PWP1: variants seen among roughly 807,000 people sequenced by gnomAD.
The protein encoded by PWP1 is periodic tryptophan protein 1 homolog.
PWP1 carries 47 observed loss-of-function variants against 69.9 expected under a neutral mutation model. That is an observed-to-expected ratio of 0.67 (90% CI 0.53 to 0.86). The LOEUF is 0.86. Among genes scored for constraint, PWP1 ranks in the 40% least tolerant of loss-of-function variants. The probability of loss-of-function intolerance (pLI) is 0.00; values close to 1 mark genes in which losing one functional copy is unlikely to be tolerated. For missense variants in PWP1, 551 were observed against 608.8 expected (o/e 0.91, Z 1.00); for synonymous variants, 222 against 208.2 (o/e 1.07, Z -0.57).
chr12:107,711,370 A>G (rs1889949468), intron 14 of PWP1, among the ~76,000 whole-genome samples: 1 of 152,132 alleles, frequency 6.6e-6, no homozygotes, highest in African/African-American at 2.4e-5. Context: ...TGCTGAAGAG[A>G]TTTTGTTTAT....
At chr12:107,698,052 C>T (rs1024756434) in intron 7 of PWP1, among the ~76,000 whole-genome samples, 3 of 152,164 alleles carry the variant, frequency 2.0e-5, no homozygotes, top group African/African-American at 7.2e-5. Context: ...TGTATAATTA[C>T]AGTACCTAGA....
intron 6 of PWP1, 127 bp from the exon 7 acceptor site, chr12:107,697,340 T>TATGCATATGCGGCATCTGAATGTTACAA: frequency 1.1e-6 from 1 of 879,932 alleles, no homozygotes; most frequent in Non-Finnish European, 1.6e-6. Flanking sequence ...AGATGCCGCA[T>TATGCATATGCGGCATCTGAATGTTACAA]ATGCATATAA....
At chr12:107,701,854 T>G (rs1174035214) in intron 8 of PWP1, among the ~76,000 whole-genome samples, 1 of 152,126 alleles carries the variant, frequency 6.6e-6, no homozygotes, top group Non-Finnish European at 1.5e-5. Flanking sequence ...ATTTTTGTAT[T>G]TTTAATAGAG....
intron 5 of PWP1, among the ~76,000 whole-genome samples, chr12:107,695,484 C>T (rs899877586): frequency 3.3e-5 from 5 of 152,126 alleles, no homozygotes; most frequent in Non-Finnish European, 7.4e-5. Flanking sequence ...TATATATTTA[C>T]CTCCTTCTTA....
chr12:107,688,420 T>C (rs1434790564), intron 1 of PWP1, 28 bp from the exon 2 acceptor site: 4 of 1,579,632 alleles, frequency 2.5e-6, no homozygotes, highest in East Asian at 4.5e-5. Flanking sequence ...CTTACACATA[T>C]TGTAATGAAA....
intron 1 of PWP1, among the ~76,000 whole-genome samples, chr12:107,688,212 C>CT (rs1889410783): frequency 6.6e-6 from 1 of 151,952 alleles, no homozygotes; most frequent in African/African-American, 2.4e-5. Context: ...AGTTTTAAGA[C>CT]TAAGAGGTGG....
chr12:107,694,316 T>C (rs1889541627), intron 5 of PWP1, among the ~76,000 whole-genome samples: 1 of 152,142 alleles, frequency 6.6e-6, no homozygotes, highest in African/African-American at 2.4e-5. Context: ...ACTTTGAAGA[T>C]TCGAAGAGAT....
chr12:107,694,642 C>G (rs1230961653), intron 5 of PWP1, among the ~76,000 whole-genome samples: 1 of 152,134 alleles, frequency 6.6e-6, no homozygotes, highest in Admixed American at 6.6e-5. Context: ...GTTTACTTTG[C>G]TTTTAAGACC....
chr12:107,687,592 C>T (rs1889394550), intron 1 of PWP1, among the ~76,000 whole-genome samples: 1 of 152,146 alleles, frequency 6.6e-6, no homozygotes, highest in African/African-American at 2.4e-5. Flanking sequence ...GAAAGGAAAA[C>T]TTGGACCAAA....
At chr12:107,692,411 C>G (rs1593142124) in intron 3 of PWP1, among the ~76,000 whole-genome samples, 2 of 152,182 alleles carry the variant, frequency 1.3e-5, no homozygotes, top group Admixed American at 1.3e-4. Context: ...TTTGACCAGG[C>G]AACCCTTATT....
At position 107,685,932 on chromosome 12, in the gene PWP1, C is replaced by G. The variant is rs963565663; in HGVS notation, c.33C>G (p.Ala11=). The G allele has an allele frequency of 6.2e-7, 1 of 1,613,832 alleles. No homozygotes were observed. Among genetic ancestry groups the G allele is most frequent in the African/African-American group, 1.3e-5 (1 of 74,930 alleles). Residue 11 remains alanine (A), a synonymous_variant, in exon 1 of 15, where the codon GCC becomes GCG. Transcript: ENST00000412830. ...GCAGCCGCCAGGTGACGTGCGTGGC[C>G]TGGGTCCGCTGCGGCGTGGCCAAAG... The part of the protein sequence containing the change: MNRSRQVTCV[A]WVRCGVAKET...
At chr12:107,697,257 G>A (rs938862548) in intron 6 of PWP1, among the ~76,000 whole-genome samples, 2 of 152,138 alleles carry the variant, frequency 1.3e-5, no homozygotes, top group Non-Finnish European at 1.5e-5. Context: ...AGCACAGCAT[G>A]GTTATCACCT....
At chr12:107,707,580 G>A (rs1056205628) in intron 11 of PWP1, among the ~76,000 whole-genome samples, 2 of 152,044 alleles carry the variant, frequency 1.3e-5, no homozygotes, top group East Asian at 1.9e-4. Context: ...CATCAATACC[G>A]AATTTATTGA....
At chr12:107,704,846 A>C in intron 11 of PWP1, 99 bp downstream of exon 11, 1 of 1,021,738 alleles carries the variant, frequency 9.8e-7, no homozygotes, top group South Asian at 1.5e-5. Flanking sequence ...TTCTGTTTTA[A>C]CAGTATGAAG....
At position 107,710,527 on chromosome 12, in the gene PWP1, C is replaced by G; in HGVS notation, c.1396+17C>G. 1 of 1,519,388 alleles carries G rather than the reference C, an allele frequency of 6.6e-7. No homozygotes were observed. Among genetic ancestry groups the G allele is most frequent in the Non-Finnish European group, 9.0e-7 (1 of 1,116,908 alleles). The allele number at this position is 1,519,388 out of a possible 1,614,324, so 94.1% of individuals were successfully genotyped here. A position where few individuals can be genotyped will look rare whatever the true frequency, so the allele number is the denominator to read the frequency against. ...TCTCTTCAGGTAAGGATTTTTAGTT[C>G]TCTGCACACCTCCCCCTGCCCCTGT... On this transcript the variant is annotated intron_variant, in intron 14 of 14. Coordinates refer to ENST00000412830, the MANE Select transcript of PWP1 (RefSeq NM_007062.3).
At chr12:107,706,692 C>T (rs564476666) in intron 11 of PWP1, among the ~76,000 whole-genome samples, 1 of 152,232 alleles carries the variant, frequency 6.6e-6, no homozygotes, top group Admixed American at 6.5e-5. Context: ...TCAGGTTTGT[C>T]AAAGATCAGA....
In PWP1 at chr12:107,712,795, A is replaced by C. The variant is rs1889984728; in HGVS notation, c.*575A>C. On this transcript the variant is annotated 3_prime_UTR_variant, in exon 15 of 15. Transcript: ENST00000412830. ...ATCAAAGACAAGAGGCAGACCATTC[A>C]TTCATTCTCAAAACACTGAATGCCA... The C allele has an allele frequency of 6.6e-6, 1 of 152,422 alleles. No homozygotes were observed. Among genetic ancestry groups the C allele is most frequent in the Admixed American group, 6.5e-5 (1 of 15,300 alleles). The allele number at this position is 152,422 out of a possible 1,614,324, so 9.4% of individuals were successfully genotyped here.
chr12:107,705,418 C>T (rs992487731), intron 11 of PWP1, among the ~76,000 whole-genome samples: 1 of 150,764 alleles, frequency 6.6e-6, no homozygotes, highest in Non-Finnish European at 1.5e-5. Context: ...ATGTGCACAA[C>T]GTCCAGGTTT....
At chr12:107,695,487 CCTT>C (rs1218076853) in intron 5 of PWP1, among the ~76,000 whole-genome samples, 9 of 152,150 alleles carry the variant, frequency 5.9e-5, no homozygotes, top group African/African-American at 1.9e-4. Flanking sequence ...ATATTTACCT[CCTT>C]CTTAATACAA....
Sources: gnomAD v4.1 joint callset for allele counts (sites outside exome capture counted in the v4.1 genomes callset) on GRCh38, gnomAD v4.1.1 for gene constraint, MANE v1.5 for transcripts, NCBI Gene and HGNC (gene_info 2026-07-23, HGNC 2026-07-21) for gene names.